The following EXT1 variants were observed in gnomAD, a reference collection of about 807,000 sequenced individuals.
EXT1 encodes exostosin glycosyltransferase 1.
Under a neutral mutation model 82.5 loss-of-function variants are expected in EXT1, and 20 were observed. That is an observed-to-expected ratio of 0.24 (90% CI 0.17 to 0.35). The LOEUF is 0.35. Ranked by LOEUF, EXT1 falls within the 10% of genes least tolerant of loss-of-function variation. EXT1 has a pLI of 1.00. For missense variants in EXT1, 757 were observed against 936.5 expected, an observed-to-expected ratio of 0.81 and a Z score of 2.50; for synonymous variants, 348 against 350.8, an observed-to-expected ratio of 0.99 and a Z score of 0.09.
chr8:117,809,662 G>GA, intron 8 of EXT1, among the ~76,000 whole-genome samples: 1 of 151,790 alleles, frequency 6.6e-6, no homozygotes, highest in East Asian at 1.9e-4. Context: ...CCAGAGCGGG[G>GA]AAAAAACCCG....
chr8:117,994,734 C>A (rs1204726522), intron 1 of EXT1, among the ~76,000 whole-genome samples: 1 of 152,162 alleles, frequency 6.6e-6, no homozygotes, highest in South Asian at 2.1e-4. Context: ...ATGGAGCTAG[C>A]AAGTCTAATT....
chr8:117,994,625 T>G (rs564215978), intron 1 of EXT1, among the ~76,000 whole-genome samples: 1 of 152,198 alleles, frequency 6.6e-6, no homozygotes, highest in East Asian at 1.9e-4. Context: ...AGAAAAGGAC[T>G]CTAGATCAGG....
chr8:117,995,885 G>A (rs908692994), intron 1 of EXT1, among the ~76,000 whole-genome samples: 2 of 152,144 alleles, frequency 1.3e-5, no homozygotes, highest in African/African-American at 4.8e-5. Flanking sequence ...CTGATGCCAA[G>A]TAACCAAGTA....
At chr8:118,074,557 G>A (rs1220092162) in intron 1 of EXT1, among the ~76,000 whole-genome samples, 2 of 144,320 alleles carry the variant, frequency 1.4e-5, no homozygotes, top group African/African-American at 2.8e-5. Flanking sequence ...AGGGGGCTAC[G>A]AGAGAGAGAG....
At chr8:118,032,013 T>A (rs1442912764) in intron 1 of EXT1, among the ~76,000 whole-genome samples, 2 of 151,772 alleles carry the variant, frequency 1.3e-5, no homozygotes, top group Non-Finnish European at 2.9e-5. Flanking sequence ...TAATGTGCTA[T>A]CTGAAGTGCC....
intron 1 of EXT1, among the ~76,000 whole-genome samples, chr8:117,910,014 C>T (rs1313355144): frequency 6.6e-6 from 1 of 152,154 alleles, no homozygotes; most frequent in Admixed American, 6.5e-5. Flanking sequence ...GTGGTCCACC[C>T]GTGCCGGCCT....
At chr8:117,880,613 C>CA (rs199822664) in intron 1 of EXT1, among the ~76,000 whole-genome samples, 5,326 of 141,088 alleles carry the variant, frequency 0.038, 337 homozygotes, top group African/African-American at 0.14. Flanking sequence ...TTTTTTGAGA[C>CA]AGAGTGTTGC....
chr8:117,866,001 G>C (rs1056962124), intron 1 of EXT1, among the ~76,000 whole-genome samples: 4 of 152,206 alleles, frequency 2.6e-5, no homozygotes, highest in African/African-American at 9.6e-5. Flanking sequence ...AAGGTGAGTA[G>C]ATCACTTCAG....
intron 1 of EXT1, among the ~76,000 whole-genome samples, chr8:118,079,131 G>A (rs1817264474): frequency 6.6e-6 from 1 of 152,088 alleles, no homozygotes; most frequent in Non-Finnish European, 1.5e-5. Flanking sequence ...CAGGAAAATA[G>A]TCATCAAAAA....
intron 1 of EXT1, among the ~76,000 whole-genome samples, chr8:117,956,179 A>C (rs1176826113): frequency 1.3e-4 from 4 of 30,610 alleles, no homozygotes; most frequent in Non-Finnish European, 3.7e-4. Flanking sequence ...TTTAACAGCA[A>C]AAAAAAAAAA....
chr8:118,002,034 A>C (rs1461317049), intron 1 of EXT1, among the ~76,000 whole-genome samples: 1 of 152,216 alleles, frequency 6.6e-6, no homozygotes, highest in Non-Finnish European at 1.5e-5. Flanking sequence ...TTGTTGAAAG[A>C]CTTTTTTAGA....
At chr8:117,849,756 T>C (rs1812423758) in intron 1 of EXT1, among the ~76,000 whole-genome samples, 2 of 152,198 alleles carry the variant, frequency 1.3e-5, no homozygotes, top group African/African-American at 2.4e-5. Context: ...AAAGCATTTA[T>C]GAATATTAGA....
At chr8:117,822,222 A>C (rs1483150667) in intron 5 of EXT1, among the ~76,000 whole-genome samples, 2 of 152,230 alleles carry the variant, frequency 1.3e-5, no homozygotes, top group South Asian at 4.1e-4. Context: ...TTTCTCAAAA[A>C]GAAATAACTC....
intron 1 of EXT1, among the ~76,000 whole-genome samples, chr8:117,880,999 T>C (rs746025817): frequency 1.3e-5 from 2 of 152,158 alleles, no homozygotes; most frequent in Non-Finnish European, 2.9e-5. Flanking sequence ...ATTACTCTTG[T>C]TTTGGATTAG....
intron 1 of EXT1, among the ~76,000 whole-genome samples, chr8:118,102,162 G>A (rs11993845): frequency 3.9e-5 from 6 of 152,014 alleles, no homozygotes; most frequent in African/African-American, 1.4e-4. Flanking sequence ...ATCTACTCGG[G>A]AGGCTGAAGC....
At chr8:118,102,339 G>C (rs1054921082) in intron 1 of EXT1, among the ~76,000 whole-genome samples, 4 of 149,112 alleles carry the variant, frequency 2.7e-5, no homozygotes, top group African/African-American at 1.0e-4. Context: ...CCAACCATGG[G>C]TTAGAAAAAA....
intron 1 of EXT1, among the ~76,000 whole-genome samples, chr8:118,065,954 G>C (rs1816977446): frequency 6.6e-6 from 1 of 152,194 alleles, no homozygotes; most frequent in African/African-American, 2.4e-5. Flanking sequence ...GAAAGAGGAG[G>C]TGAGAAGAAA....
At chr8:118,079,537 G>A (rs986495380) in intron 1 of EXT1, among the ~76,000 whole-genome samples, 2 of 152,126 alleles carry the variant, frequency 1.3e-5, no homozygotes, top group South Asian at 2.1e-4. Context: ...TTGTTCAGCC[G>A]GCTGGTGTTT....
At chr8:117,868,624 A>AT (rs1255624495) in intron 1 of EXT1, among the ~76,000 whole-genome samples, 6 of 151,680 alleles carry the variant, frequency 4.0e-5, no homozygotes, top group Middle Eastern at 3.4e-3. Context: ...CTACTTTTTT[A>AT]TTTTTTGTAG....
Sources: gnomAD v4.1 joint callset for allele counts (sites outside exome capture counted in the v4.1 genomes callset) on GRCh38, gnomAD v4.1.1 for gene constraint, MANE v1.5 for transcripts, NCBI Gene and HGNC (gene_info 2026-07-23, HGNC 2026-07-21) for gene names.